The following KCTD8 variants were observed in gnomAD, a reference collection of about 807,000 sequenced individuals.
The protein encoded by KCTD8 is BTB/POZ domain-containing protein KCTD8.
KCTD8 carries 27 observed loss-of-function variants against 31.5 expected under a neutral mutation model. The observed-to-expected ratio is 0.86, with a 90% CI of 0.63 to 1.18. The LOEUF is 1.18. KCTD8 is among the 50% of genes most tolerant of loss of function. The pLI is 0.00. For synonymous variants in KCTD8, 290 were observed against 280.0 expected (o/e 1.04, Z -0.36); for missense variants, 658 against 647.7 (o/e 1.02, Z -0.17).
chr4:44,333,562 T>G (rs568510601), intron 1 of KCTD8, among the ~76,000 whole-genome samples: 1 of 152,214 alleles, frequency 6.6e-6, no homozygotes, highest in African/African-American at 2.4e-5. Context: ...TAGCTAACAG[T>G]TGTTTCAGCA....
chr4:44,273,535 A>C (rs1716670716), intron 1 of KCTD8, among the ~76,000 whole-genome samples: 1 of 151,920 alleles, frequency 6.6e-6, no homozygotes, highest in Admixed American at 6.6e-5. Flanking sequence ...CAATCATTGA[A>C]CCACTGGGAA....
intron 1 of KCTD8, among the ~76,000 whole-genome samples, chr4:44,216,098 T>G (rs1325671075): frequency 6.6e-6 from 1 of 152,164 alleles, no homozygotes; most frequent in Non-Finnish European, 1.5e-5. Flanking sequence ...CGCTATTAAA[T>G]TTTTCTGAGT....
At chr4:44,266,858 T>A (rs1481849158) in intron 1 of KCTD8, among the ~76,000 whole-genome samples, 1 of 151,926 alleles carries the variant, frequency 6.6e-6, no homozygotes, top group Non-Finnish European at 1.5e-5. Context: ...CCTAAATATA[T>A]AGGCACCCAA....
intron 1 of KCTD8, among the ~76,000 whole-genome samples, chr4:44,328,424 T>C (rs566198975): frequency 6.6e-6 from 1 of 152,006 alleles, no homozygotes; most frequent in Non-Finnish European, 1.5e-5. Flanking sequence ...CCCAGCTGAG[T>C]ACTAGATGAC....
Position 44,220,864 on chromosome 4 carries a change from AT to A in KCTD8, c.962-45615del, listed in dbSNP as rs1375017305. The stretch of plus-strand genomic sequence containing the variant: ...AGTGGAAAGGTTTATTTATTTATTT[AT>A]TTTTACCATAATTCTCAGCCTAAAT... On this transcript the variant is annotated intron_variant, in intron 1 of 1. Transcript: ENST00000360029. Among the ~76,000 whole-genome samples, 42 of 152,210 alleles carry A rather than the reference AT, an allele frequency of 2.8e-4. 1 individual carries two copies. The highest frequency in any genetic ancestry group is 5.9e-5 in the Non-Finnish European group (4 of 67,984).
intron 1 of KCTD8, among the ~76,000 whole-genome samples, chr4:44,327,729 T>G (rs980333535): frequency 6.6e-6 from 1 of 151,836 alleles, no homozygotes; most frequent in Admixed American, 6.6e-5. Context: ...ACCATCTAGC[T>G]GTATGATCTT....
intron 1 of KCTD8, among the ~76,000 whole-genome samples, chr4:44,426,415 T>C (rs1274846238): frequency 6.6e-6 from 1 of 150,742 alleles, no homozygotes; most frequent in Non-Finnish European, 1.5e-5. Flanking sequence ...AAATTCAGAG[T>C]AAGAATGACA....
At chr4:44,242,510 G>A (rs530204141) in intron 1 of KCTD8, among the ~76,000 whole-genome samples, 10 of 152,140 alleles carry the variant, frequency 6.6e-5, no homozygotes, top group Middle Eastern at 3.4e-3. Context: ...CCCGGGAGGC[G>A]GAGCTTGCAG....
chr4:44,440,624 A>G (rs541144485), intron 1 of KCTD8, among the ~76,000 whole-genome samples: 1 of 152,346 alleles, frequency 6.6e-6, no homozygotes, highest in South Asian at 2.1e-4. Context: ...GGAAATTCCA[A>G]CATCTCTAGT....
rs1428799259 is a variant in KCTD8, at chr4:44,175,055, G to T, written c.1157C>A (p.Thr386Asn). Reference sequence around the variant, plus strand: ...TTTAGAGGGGCGATCCAATGTTAAAGTGTTAGGTTGGTGAGCTGTTGCCTG... The same window carrying T: ...TTTAGAGGGGCGATCCAATGTTAAATTGTTAGGTTGGTGAGCTGTTGCCTG... ...AQQATAHQPN[T>N]LTLDRPSKKA... The change falls in exon 2 of 2, where the codon ACT (threonine) becomes AAT (asparagine). Residue 386 changes from threonine (T) to asparagine (N), a missense_variant. Coordinates refer to ENST00000360029, the MANE Select transcript of KCTD8 (RefSeq NM_198353.3). The T allele has an allele frequency of 4.3e-6, 7 of 1,614,062 alleles. No individual in the cohort carries two copies. The highest frequency in any genetic ancestry group is 5.9e-6 in the Non-Finnish European group (7 of 1,179,972).
chr4:44,274,713 A>G (rs959647929), intron 1 of KCTD8, among the ~76,000 whole-genome samples: 1 of 151,908 alleles, frequency 6.6e-6, no homozygotes, highest in Non-Finnish European at 1.5e-5. Context: ...TCTAGACTGG[A>G]AAGTATATCC....
chr4:44,393,801 A>G (rs1256696160), intron 1 of KCTD8, among the ~76,000 whole-genome samples: 1 of 151,954 alleles, frequency 6.6e-6, no homozygotes, highest in Non-Finnish European at 1.5e-5. Context: ...TATTCAATAA[A>G]CATTTACAGA....
intron 1 of KCTD8, among the ~76,000 whole-genome samples, chr4:44,441,472 T>C (rs1043992868): frequency 1.3e-5 from 2 of 152,190 alleles, no homozygotes; most frequent in African/African-American, 4.8e-5. Flanking sequence ...TTTTAAAATT[T>C]TGAGTTCACT....
intron 1 of KCTD8, among the ~76,000 whole-genome samples, chr4:44,352,176 T>C (rs1408729733): frequency 6.6e-6 from 1 of 152,016 alleles, no homozygotes; most frequent in Non-Finnish European, 1.5e-5. Flanking sequence ...TTATTAGCCA[T>C]ATGGGCCAGA....
chr4:44,397,715 C>T (rs1204085546), intron 1 of KCTD8, among the ~76,000 whole-genome samples: 1 of 151,910 alleles, frequency 6.6e-6, no homozygotes, highest in Non-Finnish European at 1.5e-5. Flanking sequence ...TATCTTCTTA[C>T]AAAAAAATGA....
chr4:44,269,610 A>G (rs1716513178), intron 1 of KCTD8, among the ~76,000 whole-genome samples: 2 of 152,306 alleles, frequency 1.3e-5, no homozygotes, highest in South Asian at 4.1e-4. Flanking sequence ...GGTAACCTAC[A>G]AAATGGGAGA....
At chr4:44,288,601 G>A (rs1717172350) in intron 1 of KCTD8, among the ~76,000 whole-genome samples, 1 of 152,018 alleles carries the variant, frequency 6.6e-6, no homozygotes, top group South Asian at 2.1e-4. Flanking sequence ...TATTCTGTAT[G>A]ACAGTTATTT....
chr4:44,207,867 A>G (rs1714362387), intron 1 of KCTD8, among the ~76,000 whole-genome samples: 1 of 152,196 alleles, frequency 6.6e-6, no homozygotes, highest in South Asian at 2.1e-4. Context: ...TTGCCTGAGC[A>G]GTTTCATTAG....
intron 1 of KCTD8, among the ~76,000 whole-genome samples, chr4:44,270,777 C>G (rs988229343): frequency 6.6e-6 from 1 of 152,062 alleles, no homozygotes; most frequent in Non-Finnish European, 1.5e-5. Context: ...GTTATTGATG[C>G]TTATTTGTTC....
Sources: allele counts gnomAD v4.1 joint callset (sites outside exome capture counted in the v4.1 genomes callset), GRCh38; gene constraint gnomAD v4.1.1; transcripts MANE v1.5; gene names NCBI Gene and HGNC (gene_info 2026-07-23, HGNC 2026-07-21).